The following GRIA2 variants were observed in gnomAD, a reference collection of about 807,000 sequenced individuals.
GRIA2 encodes the protein glutamate ionotropic receptor AMPA type subunit 2, also known as glutamate receptor 2.
Under a neutral mutation model 97.3 loss-of-function variants are expected in GRIA2, and 14 were observed. The observed-to-expected ratio is 0.14, with a 90% CI of 0.10 to 0.23. The LOEUF (loss-of-function observed/expected upper bound fraction) is 0.23, where lower values mean the gene tolerates loss of function less well. GRIA2 is among the 10% of genes least tolerant of loss of function. The pLI is 1.00. For synonymous variants in GRIA2, 412 were observed against 387.8 expected (o/e 1.06, Z -0.73); for missense variants, 558 against 1,069.8 (o/e 0.52, Z 6.67).
At position 157,336,320 on chromosome 4, in the gene GRIA2, C is replaced by T. The variant is rs545329654; in HGVS notation, c.1474-57C>T. ...TTTCTTTGATCCAGTGACATAACCA[C>T]GATTCCTTTTTCACCATGACTCCAG... is the stretch of plus-strand genomic sequence containing the variant. On this transcript the variant is annotated intron_variant, in intron 10 of 15. Coordinates refer to ENST00000264426, the MANE Select transcript of GRIA2 (RefSeq NM_001083619.3). 1.1e-4 allele frequency: 149 copies of T among 1,365,940 alleles called. 1 individual carries two copies. In the Middle Eastern group the frequency reaches 1.3e-3, roughly 12 times the overall value. 84.6% of individuals were successfully genotyped at this position (1,365,940 alleles called of 1,614,324 possible).
At chr4:157,267,200 C>T (rs565727199) in intron 2 of GRIA2, among the ~76,000 whole-genome samples, 30 of 151,694 alleles carry the variant, frequency 2.0e-4, no homozygotes, top group African/African-American at 5.6e-4. Flanking sequence ...CTGAGGCAGG[C>T]GGATCATGAG....
At chr4:157,334,143 T>C (rs767937551) in intron 9 of GRIA2, 23 bp downstream of exon 9, 1 of 1,124,442 alleles carries the variant, frequency 8.9e-7, no homozygotes, top group Non-Finnish European at 1.4e-6. Context: ...ATATGCCATG[T>C]TTTACTTTGT....
At chr4:157,319,845 C>CA (rs1260089041) in intron 5 of GRIA2, among the ~76,000 whole-genome samples, 1 of 152,056 alleles carries the variant, frequency 6.6e-6, no homozygotes, top group Non-Finnish European at 1.5e-5. Flanking sequence ...TCCCTTACAA[C>CA]AGCACTGAAA....
rs566781454 is a variant in GRIA2 at position 157,286,229 on chromosome 4, A to C, written c.230-17323A>C. On this transcript the variant is annotated intron_variant, in intron 2 of 15. Transcript: ENST00000264426. ...CCAAAGTCATACAGCTGTTATTCCC[A>C]GTAATACTTGTTTTTTATTGTATAT... 3.3e-5 allele frequency among the ~76,000 whole-genome samples: 5 copies of C among 151,652 alleles called. No homozygotes were observed. In the South Asian group the frequency reaches 1.0e-3, roughly 31 times the overall value.
intron 6 of GRIA2, among the ~76,000 whole-genome samples, chr4:157,332,608 G>T (rs1735105708): frequency 6.6e-6 from 1 of 151,796 alleles, no homozygotes; most frequent in African/African-American, 2.4e-5. Flanking sequence ...TAACATAATA[G>T]AAAATGTTTA....
At position 157,363,533 on chromosome 4, in the gene GRIA2, A is replaced by G. The variant is rs763829786; in HGVS notation, c.*102A>G. ...TTATGACTCCAGAATTTCCCAAAGC[A>G]GTGCATGCTGTCCCTTACGTGAGTC... On this transcript the variant is annotated 3_prime_UTR_variant, in exon 16 of 16. Coordinates refer to ENST00000264426, the MANE Select transcript of GRIA2 (RefSeq NM_001083619.3). 14 of 1,238,312 alleles carry G rather than the reference A, an allele frequency of 1.1e-5. No homozygotes were observed. The highest frequency in any genetic ancestry group is 1.4e-5 in the Non-Finnish European group (14 of 990,138). 76.7% of individuals were successfully genotyped at this position (1,238,312 alleles called of 1,614,324 possible). A position where few individuals can be genotyped will look rare whatever the true frequency, so the allele number is the denominator to read the frequency against.
Position 157,364,178 on chromosome 4 carries a change from T to A in GRIA2, c.*747T>A, listed in dbSNP as rs1736773401. On this transcript the variant is annotated 3_prime_UTR_variant, in exon 16 of 16. Coordinates refer to ENST00000264426, the MANE Select transcript of GRIA2 (RefSeq NM_001083619.3). ...AAAGAGGAGATTCCAATCTTGTAAT[T>A]TAATATTGTTATTAAAACTTTAATG... The A allele has an allele frequency of 6.6e-6, 1 of 152,484 alleles. No individual in the cohort carries two copies. Among genetic ancestry groups the A allele is most frequent in the Admixed American group, 6.6e-5 (1 of 15,218 alleles). The allele number at this position is 152,484 out of a possible 1,614,324, so 9.4% of individuals were successfully genotyped here.
intron 2 of GRIA2, among the ~76,000 whole-genome samples, chr4:157,226,837 A>G (rs1003695266): frequency 3.3e-5 from 5 of 152,148 alleles, no homozygotes; most frequent in Admixed American, 1.3e-4. Flanking sequence ...ATGATGACAA[A>G]CCATGAACAC....
chr4:157,243,384 A>G (rs1730589273), intron 2 of GRIA2, among the ~76,000 whole-genome samples: 1 of 152,138 alleles, frequency 6.6e-6, no homozygotes, highest in South Asian at 2.1e-4. Flanking sequence ...CTGTGATGAA[A>G]AAGCAGCTTG....
intron 2 of GRIA2, among the ~76,000 whole-genome samples, chr4:157,244,294 A>C (rs1419083596): frequency 6.6e-6 from 1 of 152,076 alleles, no homozygotes; most frequent in Non-Finnish European, 1.5e-5. Context: ...GGCAAAGCAC[A>C]CAGCTCGTAG....
intron 2 of GRIA2, among the ~76,000 whole-genome samples, chr4:157,266,675 T>C (rs1489449454): frequency 6.6e-6 from 1 of 151,966 alleles, no homozygotes; most frequent in Non-Finnish European, 1.5e-5. Context: ...TCTGGAGATG[T>C]TTGGCTGCAG....
chr4:157,237,245 G>A (rs974092075), intron 2 of GRIA2, among the ~76,000 whole-genome samples: 3 of 150,586 alleles, frequency 2.0e-5, no homozygotes, highest in Admixed American at 1.3e-4. Context: ...TTGTCACAAC[G>A]TATATAAACA....
At chr4:157,258,852 G>A (rs191589806) in intron 2 of GRIA2, among the ~76,000 whole-genome samples, 25 of 152,076 alleles carry the variant, frequency 1.6e-4, no homozygotes, top group African/African-American at 3.4e-4. Context: ...TTGAATTATC[G>A]GGGGCGGGTT....
intron 6 of GRIA2, among the ~76,000 whole-genome samples, chr4:157,329,838 C>T (rs554426971): frequency 6.6e-6 from 1 of 152,004 alleles, no homozygotes; most frequent in South Asian, 2.1e-4. Flanking sequence ...GTTCCTGGGA[C>T]TCAAGACTTT....
chr4:157,222,281 C>T (rs1056070879), intron 2 of GRIA2, among the ~76,000 whole-genome samples: 1 of 152,162 alleles, frequency 6.6e-6, no homozygotes, highest in African/African-American at 2.4e-5. Context: ...AGCTGCCGCT[C>T]TCGCCCGCTG....
At chr4:157,316,332 A>C (rs758840847) in intron 4 of GRIA2, among the ~76,000 whole-genome samples, 4 of 152,186 alleles carry the variant, frequency 2.6e-5, no homozygotes, top group Admixed American at 1.3e-4. Flanking sequence ...CATAAAACTG[A>C]GTCAGAAAAC....
intron 12 of GRIA2, among the ~76,000 whole-genome samples, chr4:157,352,137 T>C (rs1294466079): frequency 6.6e-6 from 1 of 152,202 alleles, no homozygotes; most frequent in Non-Finnish European, 1.5e-5. Flanking sequence ...ACTGGATTGC[T>C]CTAAGTTTTA....
chr4:157,304,417 G>A lies in GRIA2; in HGVS notation c.469+626G>A, dbSNP rs1239700458. Among the ~76,000 whole-genome samples, 3 of 152,124 alleles carry A rather than the reference G, an allele frequency of 2.0e-5. No homozygotes were observed. In the East Asian group the frequency reaches 5.8e-4, roughly 29 times the overall value. On this transcript the variant is annotated intron_variant, in intron 3 of 15. Coordinates refer to ENST00000264426, the MANE Select transcript of GRIA2 (RefSeq NM_001083619.3). ...ATTCATTATGTTAAAATGTAATGGA[G>A]GGAGGTACAACCTGTATGTTTCTCA...
At chr4:157,251,938 C>T (rs531404710) in intron 2 of GRIA2, among the ~76,000 whole-genome samples, 7 of 152,154 alleles carry the variant, frequency 4.6e-5, no homozygotes, top group African/African-American at 1.4e-4. Flanking sequence ...AAATAACAAT[C>T]ATTTTCATAA....
Sources: gnomAD v4.1 joint callset for allele counts (sites outside exome capture counted in the v4.1 genomes callset) on GRCh38, gnomAD v4.1.1 for gene constraint, MANE v1.5 for transcripts, NCBI Gene and HGNC (gene_info 2026-07-23, HGNC 2026-07-21) for gene names.